The following ATXN10 variants were observed in gnomAD, a reference collection of about 807,000 sequenced individuals.
ATXN10 encodes ataxin 10, also known as ataxin-10.
Under a neutral mutation model 52.9 loss-of-function variants are expected in ATXN10, and 28 were observed. The observed-to-expected ratio is 0.53, with a 90% CI of 0.39 to 0.73. The LOEUF (loss-of-function observed/expected upper bound fraction) is 0.73, where lower values mean the gene tolerates loss of function less well. ATXN10 is among the 30% of genes least tolerant of loss of function. The pLI is 0.00. For synonymous variants in ATXN10, 226 were observed against 221.5 expected, an observed-to-expected ratio of 1.02 and a Z score of -0.18; for missense variants, 565 against 577.0, an observed-to-expected ratio of 0.98 and a Z score of 0.21.
intron 10 of ATXN10, among the ~76,000 whole-genome samples, chr22:45,811,072 T>A (rs73889628): frequency 6.6e-6 from 1 of 152,188 alleles, no homozygotes; most frequent in African/African-American, 2.4e-5. Context: ...TTTACTGATA[T>A]TTTTGTCTAC....
Position 45,715,509 on chromosome 22 carries a change from C to T in ATXN10, c.648-2904C>T, listed in dbSNP as rs1015569232. ...CACAAATTTGTGAACTTTCTTATAA[C>T]ATGAGTTGTTTTTGTTATTTGCTGT... On this transcript the variant is annotated intron_variant, in intron 5 of 11. Coordinates refer to ENST00000252934, the MANE Select transcript of ATXN10 (RefSeq NM_013236.4). This position sits in a 1 kb window ranked among gnomAD's most constrained non-coding sequence, Gnocchi z 4.4. Among the ~76,000 whole-genome samples, 13 of 152,330 alleles carry T rather than the reference C, an allele frequency of 8.5e-5. No individual in the cohort carries two copies. Among genetic ancestry groups the T allele is most frequent in the Admixed American group, 5.2e-4 (8 of 15,304 alleles).
At position 45,781,577 on chromosome 22, in the gene ATXN10, G is replaced by A. The variant is rs1359186252; in HGVS notation, c.1174-25382G>A. 6.6e-6 allele frequency among the ~76,000 whole-genome samples: 1 copy of A among 152,156 alleles called. No homozygotes were observed. The highest frequency in any genetic ancestry group is 1.9e-4 in the East Asian group (1 of 5,202). On this transcript the variant is annotated intron_variant, in intron 9 of 11. Coordinates refer to ENST00000252934, the MANE Select transcript of ATXN10 (RefSeq NM_013236.4). The surrounding 1 kb of genome is among the most constrained non-coding windows in gnomAD (Gnocchi z 4.2). ...TTTAGAGTACAATTTAAAATCATGG[G>A]TTACACTAAGGACCAGGAAAATCTT...
rs2146751999 is a variant in ATXN10 at position 45,700,318 on chromosome 22, C to T, written c.428C>T (p.Ala143Val). Residue 143 changes from alanine (A) to valine (V), a missense_variant, in exon 4 of 12, where the codon GCC becomes GTC. Ala to Val is a moderately conservative substitution (Grantham distance 64). Transcript: ENST00000252934. Reference protein sequence around the residue: ...RCGLQFLGNIASRNEDSQSIV... With the variant: ...RCGLQFLGNIVSRNEDSQSIV... ...GGCCTGCAGTTTTTAGGCAACATTG[C>T]CTCACGGAATGAAGATTCCCAGTCT... The T allele has an allele frequency of 6.2e-7, 1 of 1,614,010 alleles. No homozygotes were observed. Among genetic ancestry groups the T allele is most frequent in the Non-Finnish European group, 8.5e-7 (1 of 1,179,942 alleles).
rs764709771 is a variant in ATXN10, at chr22:45,672,030, C to T, written c.-34C>T. On this transcript the variant is annotated 5_prime_UTR_variant, in exon 1 of 12. Coordinates refer to ENST00000252934, the MANE Select transcript of ATXN10 (RefSeq NM_013236.4). ...CCTTCGTCCTCCTCGCCTTCCTCCT[C>T]CTCGTCAGGCTCGACCCAGCTGTGA... 1.3e-6 allele frequency: 2 copies of T among 1,530,834 alleles called. No individual in the cohort carries two copies. The highest frequency in any genetic ancestry group is 1.8e-6 in the Non-Finnish European group (2 of 1,142,474). The allele number at this position is 1,530,834 out of a possible 1,614,324, so 94.8% of individuals were successfully genotyped here. A position where few individuals can be genotyped will look rare whatever the true frequency, so the allele number is the denominator to read the frequency against.
chr22:45,721,892 G>A (rs994539334), intron 6 of ATXN10, among the ~76,000 whole-genome samples: 5 of 152,100 alleles, frequency 3.3e-5, no homozygotes, highest in African/African-American at 1.2e-4. Flanking sequence ...TCCAGCCTGG[G>A]CAACAGAGCG....
In ATXN10 at chr22:45,688,807, AT is replaced by A. The variant is rs1923251232; in HGVS notation, c.117-903del. Among the ~76,000 whole-genome samples the A allele has an allele frequency of 1.3e-5, 2 of 152,232 alleles. No individual in the cohort carries two copies. Among genetic ancestry groups the A allele is most frequent in the South Asian group, 4.1e-4 (2 of 4,832 alleles). ...ATTTGGCATTTATAGAATCTCTTAAATTGTCCAATGTGGCAACTTTCCTTCT... is the reference window on the plus strand; with the variant it reads ...ATTTGGCATTTATAGAATCTCTTAAATGTCCAATGTGGCAACTTTCCTTCT... On this transcript the variant is annotated intron_variant, in intron 1 of 11. Coordinates refer to ENST00000252934, the MANE Select transcript of ATXN10 (RefSeq NM_013236.4). This position sits in a 1 kb window ranked among gnomAD's most constrained non-coding sequence, Gnocchi z 4.0.
chr22:45,693,065 ATC>A lies in ATXN10; in HGVS notation c.382_383del (p.Leu128ValfsTer19), dbSNP rs761485166. On this transcript the variant is annotated frameshift_variant, in exon 3 of 12. Coordinates refer to ENST00000252934, the MANE Select transcript of ATXN10 (RefSeq NM_013236.4). LOFTEE classifies it high-confidence loss of function. ...LFRELRVEQE[S>X]LLTAFRCGLQ... is the part of the protein sequence containing the mutation. ...TTCGTGAACTGCGAGTGGAACAGGA[ATC>A]TCTGTTGACAGGTAGCATGCAATAT... 2 of 1,613,848 alleles carry A rather than the reference ATC, an allele frequency of 1.2e-6. No homozygotes were observed. The highest frequency in any genetic ancestry group is 1.7e-6 in the Non-Finnish European group (2 of 1,179,766).
chr22:45,782,521 A>G (rs551833666), intron 9 of ATXN10, among the ~76,000 whole-genome samples: 26 of 152,276 alleles, frequency 1.7e-4, no homozygotes, highest in African/African-American at 6.3e-4. Context: ...GGCACAAGAG[A>G]GTGCCTACTG....
intron 3 of ATXN10, among the ~76,000 whole-genome samples, chr22:45,699,843 A>G (rs1365577660): frequency 6.9e-6 from 1 of 144,394 alleles, no homozygotes; most frequent in African/African-American, 2.7e-5. Context: ...GGTAAGGCAT[A>G]TTAATTTTTT....
rs1923027471 is a variant in ATXN10, at chr22:45,683,881, T to A, written c.117-5831T>A. Among the ~76,000 whole-genome samples the A allele has an allele frequency of 6.6e-6, 1 of 152,234 alleles. No individual in the cohort carries two copies. Among genetic ancestry groups the A allele is most frequent in the African/African-American group, 2.4e-5 (1 of 41,476 alleles). On this transcript the variant is annotated intron_variant, in intron 1 of 11. Transcript: ENST00000252934. This position sits in a 1 kb window ranked among gnomAD's most constrained non-coding sequence, Gnocchi z 4.8. Reference sequence around the variant, plus strand: ...TATACACAGTTCTGCTCTTGGGCTGTCTTTTCCAGTGGTTGACTTTCTGCC... The same window carrying A: ...TATACACAGTTCTGCTCTTGGGCTGACTTTTCCAGTGGTTGACTTTCTGCC...
chr22:45,700,591 G>T (rs41304685), intron 4 of ATXN10, among the ~76,000 whole-genome samples: 72 of 152,214 alleles, frequency 4.7e-4, no homozygotes, highest in Non-Finnish European at 7.1e-4. Flanking sequence ...CTTGGTGGTG[G>T]TTACATGGAT....
rs118162936 is a variant in ATXN10 at position 45,772,909 on chromosome 22, C to T, written c.1173+32371C>T. ...TATTTGCATATCACCTATGTACATC[C>T]TCCCGTATACTTCAAACCATCTGTA... On this transcript the variant is annotated intron_variant, in intron 9 of 11. Transcript: ENST00000252934. The surrounding 1 kb of genome is among the most constrained non-coding windows in gnomAD (Gnocchi z 4.1). 0.011 allele frequency among the ~76,000 whole-genome samples: 1,644 copies of T among 152,330 alleles called. 15 individuals are homozygous for T. The highest frequency in any genetic ancestry group is 0.017 in the Non-Finnish European group (1,182 of 68,018).
intron 10 of ATXN10, among the ~76,000 whole-genome samples, chr22:45,809,903 A>G (rs527565445): frequency 6.6e-6 from 1 of 152,296 alleles, no homozygotes; most frequent in African/African-American, 2.4e-5. Flanking sequence ...TTTCTTTTGA[A>G]TAACAGAAAT....
At chr22:45,809,106 C>T (rs73889624) in intron 10 of ATXN10, among the ~76,000 whole-genome samples, 3,551 of 152,212 alleles carry the variant, frequency 0.023, 97 homozygotes, top group African/African-American at 0.061. Flanking sequence ...AACGAAAAAG[C>T]CTTACAGCCT....
intron 1 of ATXN10, among the ~76,000 whole-genome samples, chr22:45,682,334 T>G (rs1374399267): frequency 6.6e-6 from 1 of 152,084 alleles, no homozygotes; most frequent in Non-Finnish European, 1.5e-5. Context: ...TTTTTTTTTT[T>G]GAGACAGGGT....
chr22:45,844,448 C>T lies in ATXN10; in HGVS notation c.*777C>T, dbSNP rs1346716329. 6.6e-6 allele frequency: 1 copy of T among 152,220 alleles called. No individual in the cohort carries two copies. The highest frequency in any genetic ancestry group is 1.5e-5 in the Non-Finnish European group (1 of 68,058). 9.4% of individuals were successfully genotyped at this position (152,220 alleles called of 1,614,324 possible). ...GGTGCAGTGCCGTAGATTAAAGGTA[C>T]ATTTCTATCTTCTTTGATTTAAAAA... On this transcript the variant is annotated 3_prime_UTR_variant, in exon 12 of 12. Coordinates refer to ENST00000252934, the MANE Select transcript of ATXN10 (RefSeq NM_013236.4).
intron 1 of ATXN10, among the ~76,000 whole-genome samples, chr22:45,685,227 A>G (rs5764825): frequency 0.87 from 132,423 of 152,140 alleles, 57,949 homozygotes; most frequent in African/African-American, 0.96. Flanking sequence ...ACTCAAACAG[A>G]ACTTGCCAAG....
chr22:45,686,384 G>A (rs1056406010), intron 1 of ATXN10, among the ~76,000 whole-genome samples: 19 of 152,140 alleles, frequency 1.2e-4, no homozygotes, highest in Admixed American at 4.6e-4. Context: ...CAGTCTAGCC[G>A]GGGAGATAGG....
chr22:45,704,368 G>T (rs575797776), intron 5 of ATXN10, among the ~76,000 whole-genome samples: 6 of 151,096 alleles, frequency 4.0e-5, no homozygotes, highest in Non-Finnish European at 8.8e-5. Context: ...AGACCACCTT[G>T]GGGGAATATT....
Sources: gnomAD v4.1 joint callset for allele counts (sites outside exome capture counted in the v4.1 genomes callset) on GRCh38, gnomAD v4.1.1 for gene constraint, Gnocchi (gnomAD v3.1) non-coding constraint, MANE v1.5 for transcripts, NCBI Gene and HGNC (gene_info 2026-07-23, HGNC 2026-07-21) for gene names.